The following FOXJ3 variants were observed in gnomAD, a reference collection of about 807,000 sequenced individuals.
FOXJ3 encodes the protein forkhead box J3.
In FOXJ3, 22 loss-of-function variants were observed where a neutral mutation model predicts 76.1. The ratio of observed to expected loss-of-function variants is 0.29; its 90% CI spans 0.21 to 0.41. FOXJ3 has a LOEUF of 0.41. FOXJ3 is among the 10% of genes least tolerant of loss of function. FOXJ3 has a pLI of 1.00. For synonymous variants in FOXJ3, 269 were observed against 261.2 expected (o/e 1.03, Z -0.29); for missense variants, 613 against 762.1 (o/e 0.80, Z 2.30).
intron 4 of FOXJ3, among the ~76,000 whole-genome samples, chr1:42,251,728 T>C (rs1044691789): frequency 1.3e-4 from 6 of 47,862 alleles, no homozygotes; most frequent in Non-Finnish European, 3.0e-4. Flanking sequence ...TTTTTTTTTT[T>C]TTTTTTTTGA....
At chr1:42,282,673 G>A (rs1652804126) in intron 2 of FOXJ3, among the ~76,000 whole-genome samples, 1 of 152,066 alleles carries the variant, frequency 6.6e-6, no homozygotes. Context: ...AGGAATAAGG[G>A]CCTTCTGTTC....
In FOXJ3 at chr1:42,181,827, A is replaced by ACACT. The variant is rs765228414; in HGVS notation, c.1753+89_1753+90insAGTG. On this transcript the variant is annotated intron_variant, in intron 12 of 12. Coordinates refer to ENST00000361346, the MANE Select transcript of FOXJ3 (RefSeq NM_014947.5). The stretch of plus-strand genomic sequence containing the variant: ...GGTAATAACTGACACACACACACAC[A>ACACT]CTCTCTCTCTCACCTGCCATCGTTG... 794 of 762,242 alleles carry ACACT rather than the reference A, an allele frequency of 1.0e-3. 10 individuals carry two copies. In the African/African-American group the frequency reaches 0.012, roughly 12 times the overall value. 47.2% of individuals were successfully genotyped at this position (762,242 alleles called of 1,614,324 possible). A position where few individuals can be genotyped will look rare whatever the true frequency, so the allele number is the denominator to read the frequency against.
chr1:42,263,327 A>G (rs1249935221), intron 4 of FOXJ3, among the ~76,000 whole-genome samples: 1 of 152,220 alleles, frequency 6.6e-6, no homozygotes, highest in Non-Finnish European at 1.5e-5. Context: ...ATTCATTTAA[A>G]AATCCAATCA....
Position 42,278,525 on chromosome 1 carries a change from T to A in FOXJ3, c.192A>T (p.Thr64=), listed in dbSNP as rs142326068. The A allele has an allele frequency of 1.9e-6, 3 of 1,614,186 alleles. No individual in the cohort carries two copies. Among genetic ancestry groups the A allele is most frequent in the Non-Finnish European group, 2.5e-6 (3 of 1,180,036 alleles). Residue 64 remains threonine (T), a synonymous_variant, in exon 3 of 13, where the codon ACA becomes ACT. Coordinates refer to ENST00000361346, the MANE Select transcript of FOXJ3 (RefSeq NM_014947.5). The part of the protein sequence containing the change: ...SKKNALLDPN[T]TLDQEEVQQH... ...GTTGGACTTCTTCCTGGTCCAGAGTTGTATTTGGGTCAAGGAGTGCATTCT... is the reference window on the plus strand; with the variant it reads ...GTTGGACTTCTTCCTGGTCCAGAGTAGTATTTGGGTCAAGGAGTGCATTCT...
intron 3 of FOXJ3, among the ~76,000 whole-genome samples, chr1:42,273,918 A>G (rs527385297): frequency 2.6e-5 from 4 of 152,156 alleles, no homozygotes; most frequent in Non-Finnish European, 4.4e-5. Flanking sequence ...AAAAGCAGTA[A>G]CTGACTAGAA....
In FOXJ3 at chr1:42,248,944, C is replaced by G. The variant is rs535732142; in HGVS notation, c.444+16171G>C. 1.6e-4 allele frequency among the ~76,000 whole-genome samples: 25 copies of G among 152,126 alleles called. No individual in the cohort carries two copies. The East Asian group carries it at 4.8e-3, about 29-fold the overall frequency. ...ATAGGCCCCGGTGTGTGTTGTCCCC[C>G]TCCCTGTGTCCATGTGTCCTCATTG... is the stretch of plus-strand genomic sequence containing the variant. On this transcript the variant is annotated intron_variant, in intron 4 of 12. Coordinates refer to ENST00000361346, the MANE Select transcript of FOXJ3 (RefSeq NM_014947.5).
intron 2 of FOXJ3, among the ~76,000 whole-genome samples, chr1:42,280,127 G>A (rs1403819456): frequency 6.6e-6 from 1 of 151,992 alleles, no homozygotes; most frequent in Admixed American, 6.6e-5. Context: ...ATATTACTTT[G>A]AAAATTAAAT....
At chr1:42,228,970 G>A (rs556353194) in intron 4 of FOXJ3, among the ~76,000 whole-genome samples, 25 of 152,134 alleles carry the variant, frequency 1.6e-4, no homozygotes, top group Admixed American at 9.8e-4. Flanking sequence ...GCTTAACAAT[G>A]AGGGGAAATA....
At chr1:42,259,493 A>G (rs904191097) in intron 4 of FOXJ3, among the ~76,000 whole-genome samples, 2 of 152,246 alleles carry the variant, frequency 1.3e-5, no homozygotes, top group Non-Finnish European at 2.9e-5. Context: ...AACAGAGAAC[A>G]CTGTATGTCT....
intron 3 of FOXJ3, among the ~76,000 whole-genome samples, chr1:42,267,335 C>T (rs1651538980): frequency 6.6e-6 from 1 of 152,048 alleles, no homozygotes; most frequent in Non-Finnish European, 1.5e-5. Flanking sequence ...CAAAAAAATC[C>T]TACCGCACCC....
intron 3 of FOXJ3, among the ~76,000 whole-genome samples, chr1:42,267,573 A>G (rs1272393592): frequency 6.6e-6 from 1 of 152,152 alleles, no homozygotes; most frequent in Non-Finnish European, 1.5e-5. Flanking sequence ...GGCAACAATT[A>G]TAAGACATAG....
chr1:42,193,076 C>G (rs1240258419), intron 8 of FOXJ3, among the ~76,000 whole-genome samples: 1 of 151,964 alleles, frequency 6.6e-6, no homozygotes, highest in African/African-American at 2.4e-5. Context: ...TTTTCAATCT[C>G]AAATTATTTT....
intron 4 of FOXJ3, among the ~76,000 whole-genome samples, chr1:42,238,249 G>A (rs915668533): frequency 6.6e-6 from 1 of 152,138 alleles, no homozygotes; most frequent in African/African-American, 2.4e-5. Context: ...TGGCCAGGCT[G>A]CTCTCAAACT....
rs549929447 is a variant in FOXJ3 at position 42,283,022 on chromosome 1, T to C, written c.45-4350A>G. On this transcript the variant is annotated intron_variant, in intron 2 of 12. Transcript: ENST00000361346. Reference sequence around the variant, plus strand: ...AAGTTAAAGAGGTGAGAGTACTAAGTAGCAGAAAGTAAGGGTACTCATAGG... The same window carrying C: ...AAGTTAAAGAGGTGAGAGTACTAAGCAGCAGAAAGTAAGGGTACTCATAGG... Among the ~76,000 whole-genome samples, 5 of 152,228 alleles carry C rather than the reference T, an allele frequency of 3.3e-5. No individual in the cohort carries two copies. The East Asian group carries it at 5.8e-4, about 18-fold the overall frequency.
chr1:42,320,808 T>C (rs1655388251), intron 1 of FOXJ3, among the ~76,000 whole-genome samples: 1 of 152,160 alleles, frequency 6.6e-6, no homozygotes, highest in South Asian at 2.1e-4. Flanking sequence ...GAATGAGTTT[T>C]TGGAGGGCTA....
intron 5 of FOXJ3, among the ~76,000 whole-genome samples, chr1:42,210,559 G>A (rs551019740): frequency 3.3e-5 from 5 of 152,112 alleles, no homozygotes; most frequent in African/African-American, 4.8e-5. Context: ...CTCAGCTATC[G>A]TCATTGCCTG....
At position 42,265,134 on chromosome 1, in the gene FOXJ3, G is replaced by C; in HGVS notation, c.425C>G (p.Ser142Cys). 6.3e-7 allele frequency: 1 copy of C among 1,593,652 alleles called. No individual in the cohort carries two copies. Among genetic ancestry groups the C allele is most frequent in the Non-Finnish European group, 8.6e-7 (1 of 1,162,620 alleles). ...TCCTACCTTTCCAGGGTCATCCTTA[G>C]ATCGAGGCACTTTAAGGAAACATTT... is the stretch of plus-strand genomic sequence containing the variant. ...LNKCFLKVPRSKDDPGKGSYW... is the reference protein window; with the variant it reads ...LNKCFLKVPRCKDDPGKGSYW... Residue 142 changes from serine to cysteine, a missense_variant, in exon 4 of 13, where the codon TCT becomes TGT. By Grantham distance (112) the Ser-to-Cys change is moderately radical. Coordinates refer to ENST00000361346, the MANE Select transcript of FOXJ3 (RefSeq NM_014947.5).
At chr1:42,216,410 C>T (rs1299701928) in intron 5 of FOXJ3, among the ~76,000 whole-genome samples, 2 of 150,890 alleles carry the variant, frequency 1.3e-5, no homozygotes, top group South Asian at 2.1e-4. Flanking sequence ...CCCAGCTACT[C>T]GGGAGGCTGA....
intron 2 of FOXJ3, among the ~76,000 whole-genome samples, chr1:42,308,344 G>C (rs1654592262): frequency 6.6e-6 from 1 of 152,150 alleles, no homozygotes; most frequent in South Asian, 2.1e-4. Flanking sequence ...GGCCATTTCT[G>C]GTTTGGGGAA....
Sources: gnomAD v4.1 joint callset for allele counts (sites outside exome capture counted in the v4.1 genomes callset) on GRCh38, gnomAD v4.1.1 for gene constraint, MANE v1.5 for transcripts, NCBI Gene and HGNC (gene_info 2026-07-23, HGNC 2026-07-21) for gene names.